The following IHO1 variants were observed in gnomAD, a reference collection of about 807,000 sequenced individuals.
IHO1 encodes the protein interactor of HORMAD1 1.
A neutral mutation model predicts 31.0 loss-of-function variants in IHO1; 13 were observed. The ratio of observed to expected loss-of-function variants is 0.42; its 90% confidence interval spans 0.27 to 0.67. The LOEUF (loss-of-function observed/expected upper bound fraction) is 0.67. IHO1 is among the 30% of genes least tolerant of loss of function. The pLI, the probability that IHO1 is intolerant of heterozygous loss-of-function variation, is 0.24. For missense variants in IHO1, 599 were observed against 687.5 expected (o/e 0.87, Z 1.44); for synonymous variants, 221 against 248.4 (o/e 0.89, Z 1.04).
intron 2 of IHO1, among the ~76,000 whole-genome samples, 175 bp from the exon 3 acceptor site, chr3:49,236,373 G>A (rs577525354): frequency 8.3e-4 from 126 of 152,282 alleles, no homozygotes; most frequent in African/African-American, 3.0e-3. Flanking sequence ...TAATAAAAAT[G>A]TGTGGTATTC....
intron 4 of IHO1, 25 bp from the exon 5 acceptor site, chr3:49,244,378 GT>G (rs1002420199): frequency 1.4e-6 from 2 of 1,381,258 alleles, no homozygotes; most frequent in Non-Finnish European, 2.0e-6. Context: ...ATAAAGATTT[GT>G]TTTCTTTTTT....
At chr3:49,215,967 C>T (rs2046281986) in intron 2 of IHO1, among the ~76,000 whole-genome samples, 1 of 152,108 alleles carries the variant, frequency 6.6e-6, no homozygotes, top group East Asian at 1.9e-4. Context: ...AAAATAATCA[C>T]CCTTCTCTAT....
At chr3:49,222,309 GGTTAA>G (rs2107700798) in intron 2 of IHO1, among the ~76,000 whole-genome samples, 1 of 152,288 alleles carries the variant, frequency 6.6e-6, no homozygotes, top group Admixed American at 6.5e-5. Context: ...ACAGAGAGTG[GGTTAA>G]GTTGAGAGTC....
chr3:49,218,016 T>C (rs192624894), intron 2 of IHO1, among the ~76,000 whole-genome samples: 31 of 152,232 alleles, frequency 2.0e-4, no homozygotes, highest in African/African-American at 7.0e-4. Context: ...GGCAGATGAA[T>C]ATGGTTTTAT....
intron 1 of IHO1, chr3:49,200,639 T>G: frequency 3.5e-4 from 268 of 772,704 alleles, no homozygotes; most frequent in Middle Eastern, 6.5e-4. Context: ...GCCAGGGCCC[T>G]TCCCTTGTAT....
intron 1 of IHO1, among the ~76,000 whole-genome samples, chr3:49,202,192 T>C (rs2046078136): frequency 6.6e-6 from 1 of 152,106 alleles, no homozygotes; most frequent in African/African-American, 2.4e-5. Context: ...ATTAGAATGA[T>C]GTAGTGTTAC....
At chr3:49,216,451 G>C (rs562680818) in intron 2 of IHO1, among the ~76,000 whole-genome samples, 1 of 152,118 alleles carries the variant, frequency 6.6e-6, no homozygotes, top group Non-Finnish European at 1.5e-5. Flanking sequence ...AAAATTAGCC[G>C]GGTGTGGTGG....
chr3:49,255,557 A>AATT, intron 7 of IHO1, 64 bp downstream of exon 7: 1 of 898,978 alleles, frequency 1.1e-6, no homozygotes, highest in Non-Finnish European at 1.6e-6. Flanking sequence ...CCAGAGAGAA[A>AATT]CTTTTTTTTT....
At chr3:49,214,671 C>T (rs1226498904) in intron 2 of IHO1, among the ~76,000 whole-genome samples, 1 of 68,452 alleles carries the variant, frequency 1.5e-5, no homozygotes, top group African/African-American at 5.5e-5. Flanking sequence ...CGGAGTTTCA[C>T]TCTTGTTGCC....
intron 6 of IHO1, chr3:49,245,127 T>C (rs2046678085): frequency 7.3e-6 from 3 of 409,058 alleles, no homozygotes; most frequent in Non-Finnish European, 1.3e-5. Flanking sequence ...TAGTACCTGC[T>C]GCTCTTCTTG....
chr3:49,235,156 C>T (rs7619016), intron 2 of IHO1, among the ~76,000 whole-genome samples: 119,920 of 151,790 alleles, frequency 0.79, 47,726 homozygotes, highest in East Asian at 0.99. Context: ...CCAAGTTCAT[C>T]CAATTTTTAC....
intron 2 of IHO1, among the ~76,000 whole-genome samples, chr3:49,232,561 C>T (rs1029169459): frequency 2.0e-5 from 3 of 152,222 alleles, no homozygotes; most frequent in Non-Finnish European, 4.4e-5. Flanking sequence ...AAAGCCTTAA[C>T]TATGAGCCAG....
chr3:49,215,078 T>C (rs986972475), intron 2 of IHO1, among the ~76,000 whole-genome samples: 2 of 150,196 alleles, frequency 1.3e-5, no homozygotes, highest in Non-Finnish European at 3.0e-5. Flanking sequence ...TGAGATGGAG[T>C]CTCACTCTGT....
At chr3:49,255,339 A>T (rs756022035) in intron 6 of IHO1, 51 bp from the exon 7 acceptor site, 19 of 1,290,500 alleles carry the variant, frequency 1.5e-5, no homozygotes, top group Admixed American at 2.3e-5. Flanking sequence ...GGCAGATGGG[A>T]CATACCATAC....
intron 7 of IHO1, among the ~76,000 whole-genome samples, chr3:49,255,777 TCTTGAC>T (rs1383892201): frequency 6.6e-6 from 1 of 151,958 alleles, no homozygotes; most frequent in Admixed American, 6.6e-5. Flanking sequence ...GGTCTCAATC[TCTTGAC>T]CTTGTGATCC....
At chr3:49,221,723 G>C (rs370991078) in intron 2 of IHO1, among the ~76,000 whole-genome samples, 2 of 152,202 alleles carry the variant, frequency 1.3e-5, no homozygotes, top group South Asian at 4.1e-4. Flanking sequence ...CCATTTGTAA[G>C]ACCATCTATA....
intron 6 of IHO1, among the ~76,000 whole-genome samples, chr3:49,248,350 G>T (rs1040088403): frequency 9.4e-5 from 14 of 149,374 alleles, no homozygotes; most frequent in Non-Finnish European, 1.8e-4. Context: ...ACCCAGGATG[G>T]GGAGGTTGCA....
chr3:49,216,409 A>G (rs764381574), intron 2 of IHO1, among the ~76,000 whole-genome samples: 3 of 152,226 alleles, frequency 2.0e-5, no homozygotes, highest in Non-Finnish European at 4.4e-5. Context: ...CCTGGCCAAC[A>G]TGGCGAAACC....
Position 49,199,589 on chromosome 3 carries a change from C to CT in IHO1, c.-16+19dup, listed in dbSNP as rs2046027037. ...GCAGCCAGAGGTGGGGACAGGAGGG[C>CT]TTTGGGCAGGGTGGGTTGGGGAAAG... On this transcript the variant is annotated intron_variant, in intron 1 of 7. Coordinates refer to ENST00000452691, the MANE Select transcript of IHO1 (RefSeq NM_001135197.2). 1.6e-5 allele frequency: 1 copy of CT among 64,202 alleles called. No homozygotes were observed. Among genetic ancestry groups the CT allele is most frequent in the African/African-American group, 6.0e-5 (1 of 16,630 alleles). 4.0% of individuals were successfully genotyped at this position (64,202 alleles called of 1,614,324 possible).
Sources: gnomAD v4.1 joint callset for allele counts (sites outside exome capture counted in the v4.1 genomes callset) on GRCh38, gnomAD v4.1.1 for gene constraint, MANE v1.5 for transcripts, NCBI Gene and HGNC (gene_info 2026-07-23, HGNC 2026-07-21) for gene names.